Variants in FOXJ3 observed in about 807,000 individuals in gnomAD.
The protein encoded by FOXJ3 is forkhead box protein J3.
A neutral mutation model predicts 76.1 loss-of-function variants in FOXJ3; 22 were observed. The ratio of observed to expected loss-of-function variants is 0.29; its 90% confidence interval spans 0.21 to 0.41. The LOEUF is 0.41. Ranked by LOEUF, FOXJ3 falls within the 10% of genes least tolerant of loss-of-function variation. The pLI is 1.00. For synonymous variants in FOXJ3, 269 were observed against 261.2 expected (o/e 1.03, Z -0.29); for missense variants, 613 against 762.1 (o/e 0.80, Z 2.30).
At chr1:42,245,965 T>C (rs1341081797) in intron 4 of FOXJ3, among the ~76,000 whole-genome samples, 1 of 152,082 alleles carries the variant, frequency 6.6e-6, no homozygotes, top group Non-Finnish European at 1.5e-5. Flanking sequence ...TGAATGTCCA[T>C]AGGCAGAAGA....
At chr1:42,203,784 T>C (rs914232203) in intron 6 of FOXJ3, among the ~76,000 whole-genome samples, 1 of 151,880 alleles carries the variant, frequency 6.6e-6, no homozygotes, top group African/African-American at 2.4e-5. Context: ...TCACCTGAGG[T>C]CAGGAGTTTG....
At position 42,199,009 on chromosome 1, in the gene FOXJ3, C is replaced by T. The variant is rs538161942; in HGVS notation, c.759+93G>A. 5 of 997,262 alleles carry T rather than the reference C, an allele frequency of 5.0e-6. No individual in the cohort carries two copies. In the African/African-American group the frequency reaches 6.4e-5, roughly 13 times the overall value. The allele number at this position is 997,262 out of a possible 1,614,324, so 61.8% of individuals were successfully genotyped here. ...TAAATTTATTAGTGAGAAAAACATA[C>T]CTTCATTTTTAAATTTGCATTTCAA... On this transcript the variant is annotated intron_variant, in intron 7 of 12. Coordinates refer to ENST00000361346, the MANE Select transcript of FOXJ3 (RefSeq NM_014947.5).
At chr1:42,200,547 C>T (rs549040582) in intron 6 of FOXJ3, among the ~76,000 whole-genome samples, 1 of 152,230 alleles carries the variant, frequency 6.6e-6, no homozygotes, top group South Asian at 2.1e-4. Context: ...GGTGCGATCT[C>T]GGCTCACTGC....
At chr1:42,209,142 A>T (rs1646917919) in intron 5 of FOXJ3, among the ~76,000 whole-genome samples, 1 of 152,244 alleles carries the variant, frequency 6.6e-6, no homozygotes, top group Non-Finnish European at 1.5e-5. Flanking sequence ...TATAGACCAA[A>T]TCCTAAAGAC....
At chr1:42,224,631 G>A (rs1557651928) in intron 5 of FOXJ3, among the ~76,000 whole-genome samples, 1 of 151,794 alleles carries the variant, frequency 6.6e-6, no homozygotes, top group Non-Finnish European at 1.5e-5. Context: ...TCCAGCCTGG[G>A]TGTCTTTTGA....
At chr1:42,194,295 G>T (rs1438509408) in intron 8 of FOXJ3, among the ~76,000 whole-genome samples, 1 of 152,192 alleles carries the variant, frequency 6.6e-6, no homozygotes, top group Non-Finnish European at 1.5e-5. Context: ...CTAATGGGAA[G>T]AGAACACATT....
rs1277775809 is a variant in FOXJ3, at chr1:42,176,910, G to C, written c.*2800C>G. The stretch of plus-strand genomic sequence containing the variant: ...TTCCCTCCCACTTCAAAGGACATCT[G>C]AGCGACACGTATTTACAAGAACACA... On this transcript the variant is annotated 3_prime_UTR_variant, in exon 13 of 13. Transcript: ENST00000361346. 2 of 152,592 alleles carry C rather than the reference G, an allele frequency of 1.3e-5. No homozygotes were observed. Among genetic ancestry groups the C allele is most frequent in the African/African-American group, 4.8e-5 (2 of 41,422 alleles). The allele number at this position is 152,592 out of a possible 1,614,324, so 9.5% of individuals were successfully genotyped here. A position where few individuals can be genotyped will look rare whatever the true frequency, so the allele number is the denominator to read the frequency against.
chr1:42,277,437 C>A (rs1047548127), intron 3 of FOXJ3, among the ~76,000 whole-genome samples: 3 of 151,348 alleles, frequency 2.0e-5, no homozygotes, highest in African/African-American at 7.3e-5. Flanking sequence ...CCGAGGCGGG[C>A]GGATCACAAG....
chr1:42,204,913 A>G (rs1646832412), intron 6 of FOXJ3, among the ~76,000 whole-genome samples: 1 of 152,274 alleles, frequency 6.6e-6, no homozygotes, highest in South Asian at 2.1e-4. Flanking sequence ...GGAGTACCAT[A>G]TTAGTGCAAT....
In FOXJ3 at chr1:42,264,310, G is replaced by C. The variant is rs186097206; in HGVS notation, c.444+805C>G. ...GGCAGATTGAGAAAAAAACAGTAAA[G>C]AATATTTTACAAGAAGAGAAAGTAA... On this transcript the variant is annotated intron_variant, in intron 4 of 12. Coordinates refer to ENST00000361346, the MANE Select transcript of FOXJ3 (RefSeq NM_014947.5). Among the ~76,000 whole-genome samples, 242 of 152,102 alleles carry C rather than the reference G, an allele frequency of 1.6e-3. 1 individual carries two copies. The highest frequency in any genetic ancestry group is 5.6e-3 in the African/African-American group (232 of 41,526).
At chr1:42,236,026 C>T (rs1271152627) in intron 4 of FOXJ3, among the ~76,000 whole-genome samples, 1 of 152,044 alleles carries the variant, frequency 6.6e-6, no homozygotes, top group Non-Finnish European at 1.5e-5. Flanking sequence ...CCTTGTTAGA[C>T]AATATAGAAA....
intron 1 of FOXJ3, among the ~76,000 whole-genome samples, chr1:42,324,918 AT>A (rs952204282): frequency 1.3e-5 from 2 of 151,938 alleles, no homozygotes; most frequent in African/African-American, 2.4e-5. Context: ...ACTACACTAA[AT>A]TTTTTTTAAT....
At chr1:42,322,435 T>C (rs1169399768) in intron 1 of FOXJ3, among the ~76,000 whole-genome samples, 1 of 152,058 alleles carries the variant, frequency 6.6e-6, no homozygotes, top group Non-Finnish European at 1.5e-5. Context: ...ACAGTGTCTA[T>C]GATTTTCTTT....
At chr1:42,255,678 G>C (rs981869833) in intron 4 of FOXJ3, among the ~76,000 whole-genome samples, 1 of 152,172 alleles carries the variant, frequency 6.6e-6, no homozygotes, top group Non-Finnish European at 1.5e-5. Context: ...AAGAAAGCTG[G>C]AATGGCTAAA....
At chr1:42,212,001 C>T (rs1646974656) in intron 5 of FOXJ3, among the ~76,000 whole-genome samples, 1 of 152,200 alleles carries the variant, frequency 6.6e-6, no homozygotes, top group South Asian at 2.1e-4. Context: ...CGCCTGTAAT[C>T]CCAGCACTTT....
chr1:42,335,317 T>A (rs1049798375), upstream of FOXJ3: 2 of 151,768 alleles, frequency 1.3e-5, no homozygotes, highest in African/African-American at 4.8e-5. Context: ...GTCAGCGGCG[T>A]CAAGTCCCTG....
intron 6 of FOXJ3, among the ~76,000 whole-genome samples, chr1:42,200,061 A>G (rs1317315213): frequency 6.6e-6 from 1 of 150,716 alleles, no homozygotes; most frequent in African/African-American, 2.4e-5. Context: ...AATAATACAT[A>G]TTATCACGAA....
chr1:42,185,851 A>G (rs1043368050), intron 11 of FOXJ3, among the ~76,000 whole-genome samples: 5 of 152,052 alleles, frequency 3.3e-5, no homozygotes, highest in Admixed American at 6.5e-5. Flanking sequence ...CTACACCACT[A>G]ATTTCTGGAG....
intron 1 of FOXJ3, among the ~76,000 whole-genome samples, chr1:42,328,249 A>G (rs1461663127): frequency 2.0e-5 from 3 of 152,240 alleles, no homozygotes; most frequent in Non-Finnish European, 4.4e-5. Context: ...ATGAGCTCTC[A>G]TGGAGTCACT....
Sources: gnomAD v4.1 joint callset for allele counts (sites outside exome capture counted in the v4.1 genomes callset) on GRCh38, gnomAD v4.1.1 for gene constraint, MANE v1.5 for transcripts, NCBI Gene and HGNC (gene_info 2026-07-23, HGNC 2026-07-21) for gene names.